Variants in AP2B1 observed in about 807,000 individuals in gnomAD.
The protein encoded by AP2B1 is adaptor related protein complex 2 subunit beta 1, also known as AP-2 complex subunit beta.
In AP2B1, 23 loss-of-function variants were observed where a neutral mutation model predicts 102.0. The ratio of observed to expected loss-of-function variants is 0.23; its 90% CI spans 0.16 to 0.32. The LOEUF (loss-of-function observed/expected upper bound fraction) is 0.32, where lower values mean the gene tolerates loss of function less well. Among genes scored for constraint, AP2B1 ranks in the 10% least tolerant of loss-of-function variants. The pLI is 1.00. For missense variants in AP2B1, 541 were observed against 1,157.4 expected, an observed-to-expected ratio of 0.47 and a Z score of 7.73; for synonymous variants, 381 against 421.2, an observed-to-expected ratio of 0.90 and a Z score of 1.17.
At chr17:35,611,179 T>C (rs1211916163) in intron 5 of AP2B1, among the ~76,000 whole-genome samples, 1 of 152,238 alleles carries the variant, frequency 6.6e-6, no homozygotes, top group Non-Finnish European at 1.5e-5. Context: ...GATTCACTGT[T>C]ATTCTGAGCA....
chr17:35,592,521 C>T (rs2073133136), intron 1 of AP2B1, among the ~76,000 whole-genome samples: 2 of 151,628 alleles, frequency 1.3e-5, no homozygotes, highest in African/African-American at 2.4e-5. Flanking sequence ...CCTGAGCCAC[C>T]GCGCCTGGCC....
chr17:35,664,178 C>T (rs1450067024), intron 14 of AP2B1, among the ~76,000 whole-genome samples: 1 of 152,242 alleles, frequency 6.6e-6, no homozygotes, highest in African/African-American at 2.4e-5. Context: ...CATTCTTCTT[C>T]TGAAAATTTC....
At chr17:35,652,498 A>AT (rs1182914766) in intron 13 of AP2B1, among the ~76,000 whole-genome samples, 1 of 152,180 alleles carries the variant, frequency 6.6e-6, no homozygotes, top group Non-Finnish European at 1.5e-5. Context: ...ATTGCTTACT[A>AT]TGCTTATACT....
Position 35,594,072 on chromosome 17 carries a change from G to T in AP2B1, c.37+5G>T. On this transcript the variant is annotated splice_donor_5th_base_variant and intron_variant, in intron 2 of 21. Coordinates refer to ENST00000610402, the MANE Select transcript of AP2B1 (RefSeq NM_001030006.2). The stretch of plus-strand genomic sequence containing the variant: ...ATTTCACAACCAATAAAAAAGGTAA[G>T]TATGAGAATACAATCAAATCTTTTG... The T allele has an allele frequency of 6.3e-7, 1 of 1,583,194 alleles. No individual in the cohort carries two copies. The highest frequency in any genetic ancestry group is 2.3e-5 in the East Asian group (1 of 43,980).
chr17:35,700,443 G>GA (rs1488593745), intron 18 of AP2B1, among the ~76,000 whole-genome samples: 1 of 151,904 alleles, frequency 6.6e-6, no homozygotes, highest in South Asian at 2.1e-4. Context: ...AGAAATAAAA[G>GA]AAAAAAATAA....
chr17:35,673,204 C>G (rs996730532), intron 16 of AP2B1, among the ~76,000 whole-genome samples: 7 of 151,790 alleles, frequency 4.6e-5, no homozygotes, highest in African/African-American at 1.7e-4. Context: ...CTCATGACTC[C>G]TGATTTTTTT....
chr17:35,705,369 AGCCTT>A (rs2076320566), intron 18 of AP2B1, among the ~76,000 whole-genome samples: 1 of 152,224 alleles, frequency 6.6e-6, no homozygotes, highest in South Asian at 2.1e-4. Context: ...TCTGCCGATA[AGCCTT>A]TTAAAAAGTC....
At chr17:35,599,916 C>CA (rs769470684) in intron 3 of AP2B1, among the ~76,000 whole-genome samples, 1 of 150,982 alleles carries the variant, frequency 6.6e-6, no homozygotes, top group Non-Finnish European at 1.5e-5. Context: ...TCTCAAAAAT[C>CA]AAAAAACAAA....
chr17:35,707,681 G>A (rs2076372302), intron 18 of AP2B1, among the ~76,000 whole-genome samples: 2 of 150,786 alleles, frequency 1.3e-5, no homozygotes, highest in African/African-American at 2.4e-5. Context: ...TTGAACTCCT[G>A]ACCTCAAGTG....
At position 35,690,302 on chromosome 17, in the gene AP2B1, A is replaced by G. The variant is rs1266700920; in HGVS notation, c.2454+7478A>G. On this transcript the variant is annotated intron_variant, in intron 18 of 21. Coordinates refer to ENST00000610402, the MANE Select transcript of AP2B1 (RefSeq NM_001030006.2). The stretch of plus-strand genomic sequence containing the variant: ...GGATTTCCATTTGATTTTTTGCTGA[A>G]TTTTCCTCACTGGGCTGGCTCAATT... 3.3e-5 allele frequency among the ~76,000 whole-genome samples: 5 copies of G among 151,972 alleles called. No individual in the cohort carries two copies. The East Asian group carries it at 5.8e-4, about 18-fold the overall frequency.
intron 5 of AP2B1, among the ~76,000 whole-genome samples, chr17:35,620,565 A>T (rs1263952411): frequency 6.6e-6 from 1 of 152,168 alleles, no homozygotes; most frequent in East Asian, 1.9e-4. Flanking sequence ...CTGTAATCCC[A>T]GCACTTTGGG....
At chr17:35,713,095 G>A (rs967970358) in intron 20 of AP2B1, among the ~76,000 whole-genome samples, 11 of 152,204 alleles carry the variant, frequency 7.2e-5, no homozygotes, top group Admixed American at 3.3e-4. Context: ...TTGCACCTCG[G>A]CATGTTTTTG....
intron 4 of AP2B1, among the ~76,000 whole-genome samples, chr17:35,607,029 C>G (rs1400941525): frequency 3.3e-5 from 5 of 152,040 alleles, no homozygotes; most frequent in African/African-American, 1.2e-4. Context: ...CCTCATCCTC[C>G]CGAGTAGCTG....
At chr17:35,594,440 A>G (rs1052879806) in intron 2 of AP2B1, among the ~76,000 whole-genome samples, 3 of 152,250 alleles carry the variant, frequency 2.0e-5, no homozygotes, top group African/African-American at 7.2e-5. Context: ...AATACAATTA[A>G]AGCAATACAG....
At chr17:35,614,698 G>A (rs996713040) in intron 5 of AP2B1, among the ~76,000 whole-genome samples, 4 of 144,240 alleles carry the variant, frequency 2.8e-5, no homozygotes, top group African/African-American at 7.7e-5. Context: ...TTTGTTAAGT[G>A]TTCTTCTGCA....
At chr17:35,680,312 T>C (rs904147967) in intron 17 of AP2B1, among the ~76,000 whole-genome samples, 3 of 152,212 alleles carry the variant, frequency 2.0e-5, no homozygotes, top group East Asian at 1.9e-4. Context: ...TTGTTTGTTA[T>C]CTTCTAGGCC....
chr17:35,664,940 T>G (rs937477383), intron 14 of AP2B1, among the ~76,000 whole-genome samples: 2 of 152,076 alleles, frequency 1.3e-5, no homozygotes, highest in African/African-American at 4.8e-5. Flanking sequence ...CCCCTACTTT[T>G]CCACTGATAG....
intron 18 of AP2B1, among the ~76,000 whole-genome samples, chr17:35,695,478 C>T (rs1159893417): frequency 6.6e-6 from 1 of 152,006 alleles, no homozygotes; most frequent in East Asian, 1.9e-4. Context: ...GTGACTTTCA[C>T]ATACTGGTGA....
intron 18 of AP2B1, among the ~76,000 whole-genome samples, chr17:35,700,723 T>C (rs1474941586): frequency 6.6e-6 from 1 of 152,188 alleles, no homozygotes; most frequent in Non-Finnish European, 1.5e-5. Context: ...CATAAAGAGA[T>C]TGTAGCTCCT....
Sources: gnomAD v4.1 joint callset for allele counts (sites outside exome capture counted in the v4.1 genomes callset) on GRCh38, gnomAD v4.1.1 for gene constraint, MANE v1.5 for transcripts, NCBI Gene and HGNC (gene_info 2026-07-23, HGNC 2026-07-21) for gene names.